The following TAF3 variants were observed in gnomAD, a reference collection of about 807,000 sequenced individuals.
TAF3 encodes the protein TATA-box binding protein associated factor 3.
In TAF3, 7 loss-of-function variants were observed where a neutral mutation model predicts 80.6. That is an observed-to-expected ratio of 0.09 (90% CI 0.05 to 0.16). The LOEUF (loss-of-function observed/expected upper bound fraction) is 0.16, where lower values mean the gene tolerates loss of function less well. Among genes scored for constraint, TAF3 ranks in the 10% least tolerant of loss-of-function variants. TAF3 has a pLI of 1.00. For synonymous variants in TAF3, 444 were observed against 446.1 expected (o/e 1.00, Z 0.06); for missense variants, 921 against 1,140.2 (o/e 0.81, Z 2.77).
intron 4 of TAF3, among the ~76,000 whole-genome samples, chr10:8,006,177 A>ACACACAC (rs1564382135): frequency 9.4e-6 from 1 of 106,154 alleles, no homozygotes; most frequent in African/African-American, 3.9e-5. Context: ...TGAAAAAAAA[A>ACACACAC]ATACACACAC....
intron 2 of TAF3, among the ~76,000 whole-genome samples, chr10:7,945,482 C>T (rs1342876825): frequency 1.3e-5 from 2 of 152,160 alleles, no homozygotes; most frequent in Non-Finnish European, 2.9e-5. Context: ...GCTTTCTCTA[C>T]CTGCCTTCCT....
At chr10:7,834,791 C>T (rs767686295) in intron 2 of TAF3, among the ~76,000 whole-genome samples, 7 of 152,292 alleles carry the variant, frequency 4.6e-5, no homozygotes, top group Non-Finnish European at 7.4e-5. Context: ...TACTATCATT[C>T]ATGATTACTG....
At chr10:7,846,596 A>T (rs536653119) in intron 2 of TAF3, among the ~76,000 whole-genome samples, 1 of 138,364 alleles carries the variant, frequency 7.2e-6, no homozygotes, top group African/African-American at 2.7e-5. Flanking sequence ...CATGATTTTT[A>T]TTCTTTCCTA....
At chr10:7,827,779 CAAAA>C (rs71515491) in intron 2 of TAF3, among the ~76,000 whole-genome samples, 1 of 94,942 alleles carries the variant, frequency 1.1e-5, no homozygotes, top group Non-Finnish European at 2.2e-5. Flanking sequence ...GACTCTGTCT[CAAAA>C]AAAAAAAAAA....
intron 4 of TAF3, among the ~76,000 whole-genome samples, chr10:7,983,172 T>C (rs557224342): frequency 2.6e-5 from 4 of 152,168 alleles, no homozygotes; most frequent in African/African-American, 4.8e-5. Context: ...TTCTTGGTGC[T>C]CACAGTCCCT....
intron 4 of TAF3, among the ~76,000 whole-genome samples, chr10:7,995,289 A>G (rs1831877592): frequency 6.6e-6 from 1 of 152,176 alleles, no homozygotes; most frequent in African/African-American, 2.4e-5. Context: ...GTTTTGATTC[A>G]TAAGGAATTT....
In TAF3 at chr10:7,964,616, G is replaced by A; in HGVS notation, c.1106G>A (p.Gly369Glu). 1 of 1,614,112 alleles carries A rather than the reference G, an allele frequency of 6.2e-7. No homozygotes were observed. Among genetic ancestry groups the A allele is most frequent in the Non-Finnish European group, 8.5e-7 (1 of 1,180,022 alleles). ...CAAATACAGACACCCCCTGATGCTG[G>A]GAAACTGAACAGTGAGAATCAGCCG... ...VKQIQTPPDA[G>E]KLNSENQPKK... Residue 369 changes from glycine (G) to glutamate (E), a missense_variant, in exon 3 of 7, where the codon GGG becomes GAG. Around this residue, in one of 6 missense-constraint regions of TAF3, gnomAD observed 743 missense variants for 821.0 expected, o/e 0.90. Transcript: ENST00000344293. The surrounding 1 kb of genome is among the most constrained non-coding windows in gnomAD (Gnocchi z 4.1).
chr10:8,012,015 G>C (rs771989987), intron 5 of TAF3, among the ~76,000 whole-genome samples: 2 of 152,028 alleles, frequency 1.3e-5, no homozygotes, highest in African/African-American at 2.4e-5. Flanking sequence ...CATCTCTGCA[G>C]AAAATACAAA....
chr10:7,851,093 T>G (rs1837022532), intron 2 of TAF3, among the ~76,000 whole-genome samples: 1 of 152,120 alleles, frequency 6.6e-6, no homozygotes, highest in African/African-American at 2.4e-5. Flanking sequence ...CTATAGTATG[T>G]TTGGAAGAGG....
intron 2 of TAF3, among the ~76,000 whole-genome samples, chr10:7,877,711 A>G (rs983088858): frequency 2.0e-5 from 3 of 152,148 alleles, no homozygotes; most frequent in African/African-American, 7.2e-5. Flanking sequence ...AAAATAAGAC[A>G]ACTGAGACCC....
At chr10:7,980,514 A>G (rs983265685) in intron 4 of TAF3, among the ~76,000 whole-genome samples, 1 of 152,210 alleles carries the variant, frequency 6.6e-6, no homozygotes, top group African/African-American at 2.4e-5. Context: ...TTAAAATTCA[A>G]GATGACTTTC....
intron 4 of TAF3, among the ~76,000 whole-genome samples, chr10:7,981,090 C>G (rs534675486): frequency 6.6e-6 from 1 of 152,218 alleles, no homozygotes; most frequent in East Asian, 1.9e-4. Context: ...GGTAAAGGAG[C>G]TTTGTGAGAA....
intron 2 of TAF3, among the ~76,000 whole-genome samples, chr10:7,951,271 C>G (rs1457695563): frequency 6.6e-6 from 1 of 152,250 alleles, no homozygotes; most frequent in Non-Finnish European, 1.5e-5. Flanking sequence ...CTTAAAACAG[C>G]AACCGTTTAC....
At chr10:7,852,194 C>T (rs1441291418) in intron 2 of TAF3, among the ~76,000 whole-genome samples, 1 of 152,176 alleles carries the variant, frequency 6.6e-6, no homozygotes, top group Admixed American at 6.5e-5. Context: ...AAGAGATCCT[C>T]TTGCCTCAGC....
At chr10:7,897,703 C>T (rs936611471) in intron 2 of TAF3, among the ~76,000 whole-genome samples, 2 of 150,912 alleles carry the variant, frequency 1.3e-5, no homozygotes, top group African/African-American at 4.9e-5. Context: ...GACTCTCACC[C>T]AGGTTGAGTG....
chr10:8,009,326 A>G lies in TAF3; in HGVS notation c.2564A>G (p.Tyr855Cys). 2 of 1,592,048 alleles carry G rather than the reference A, an allele frequency of 1.3e-6. No homozygotes were observed. The highest frequency in any genetic ancestry group is 1.7e-6 in the Non-Finnish European group (2 of 1,170,002). The change falls in exon 5 of 7, where the codon TAC (tyrosine) becomes TGC (cysteine). Residue 855 changes from tyrosine (Y) to cysteine (C), a missense_variant. By Grantham distance (194) the Tyr-to-Cys change is radical (BLOSUM62 -2). Coordinates refer to ENST00000344293, the MANE Select transcript of TAF3 (RefSeq NM_031923.4). The surrounding 1 kb of genome is among the most constrained non-coding windows in gnomAD (Gnocchi z 4.1). ...GTGGTGACTGAGACGGTCAGCACCTACGTGGTGCGTACCTGCCGCCCGCGC... is the reference window on the plus strand; with the variant it reads ...GTGGTGACTGAGACGGTCAGCACCTGCGTGGTGCGTACCTGCCGCCCGCGC... ...RSVVTETVST[Y>C]VIRDEWGNQI...
Position 7,835,371 on chromosome 10 carries a change from A to G in TAF3, c.409+10811A>G, listed in dbSNP as rs115907076. Among the ~76,000 whole-genome samples the G allele has an allele frequency of 4.2e-3, 635 of 152,312 alleles. 4 individuals are homozygous for G. Among genetic ancestry groups the G allele is most frequent in the African/African-American group, 0.015 (603 of 41,578 alleles). ...AAGGAGATTCAGGGTAGCTCCTCTG[A>G]CTTTGCAGTGCTCCCTCTTCTATCG... On this transcript the variant is annotated intron_variant, in intron 2 of 6. Transcript: ENST00000344293.
In TAF3 at chr10:8,015,219, T is replaced by C. The variant is rs1411529900; in HGVS notation, c.*468T>C. The C allele has an allele frequency of 6.6e-6, 1 of 152,348 alleles. No individual in the cohort carries two copies. Among genetic ancestry groups the C allele is most frequent in the Non-Finnish European group, 1.5e-5 (1 of 68,212 alleles). 9.4% of individuals were successfully genotyped at this position (152,348 alleles called of 1,614,324 possible). On this transcript the variant is annotated 3_prime_UTR_variant, in exon 7 of 7. Coordinates refer to ENST00000344293, the MANE Select transcript of TAF3 (RefSeq NM_031923.4). ...TAATCAGAATAACATAAAAGAAAAC[T>C]CCAGTTGGAGTACCGGTAAATATTT...
At chr10:8,006,718 A>T (rs544816820) in intron 4 of TAF3, among the ~76,000 whole-genome samples, 11 of 152,346 alleles carry the variant, frequency 7.2e-5, no homozygotes, top group African/African-American at 2.6e-4. Context: ...AATAGCAAAG[A>T]GTCAGTGCCT....
Sources: allele counts gnomAD v4.1 joint callset (sites outside exome capture counted in the v4.1 genomes callset), GRCh38; gene constraint gnomAD v4.1.1; regional missense constraint gnomAD v4.1.1; non-coding constraint Gnocchi (gnomAD v3.1); transcripts MANE v1.5; gene names NCBI Gene and HGNC (gene_info 2026-07-23, HGNC 2026-07-21).